DOCK3: variants seen among roughly 807,000 people sequenced by gnomAD.
DOCK3 encodes dedicator of cytokinesis 3.
A neutral mutation model predicts 265.6 loss-of-function variants in DOCK3; 60 were observed. The observed-to-expected ratio is 0.23, with a 90% CI of 0.18 to 0.28. The LOEUF is 0.28. Ranked by LOEUF, DOCK3 falls within the 10% of genes least tolerant of loss-of-function variation. The pLI, the probability that DOCK3 is intolerant of heterozygous loss-of-function variation, is 1.00. For missense variants in DOCK3, 1,981 were observed against 2,594.3 expected, an observed-to-expected ratio of 0.76 and a Z score of 5.14; for synonymous variants, 881 against 938.0, an observed-to-expected ratio of 0.94 and a Z score of 1.11.
intron 1 of DOCK3, among the ~76,000 whole-genome samples, chr3:50,721,415 A>G (rs1229292742): frequency 6.6e-6 from 1 of 152,216 alleles, no homozygotes; most frequent in Non-Finnish European, 1.5e-5. Flanking sequence ...ATGGCTACCC[A>G]GTTATCCCAG....
Position 50,851,572 on chromosome 3 carries a change from A to G in DOCK3, c.162+9857A>G, listed in dbSNP as rs1321983823. 2.6e-5 allele frequency among the ~76,000 whole-genome samples: 4 copies of G among 152,150 alleles called. No individual in the cohort carries two copies. The East Asian group carries it at 5.8e-4, about 22-fold the overall frequency. On this transcript the variant is annotated intron_variant, in intron 3 of 52. Coordinates refer to ENST00000266037, the MANE Select transcript of DOCK3 (RefSeq NM_004947.5). ...GCCTGAATTTCTGCCTGAGAGTGGA[A>G]TGGAGAGGACCCTGCTGCATATTGA...
At chr3:50,725,820 CAG>C (rs1473202850) in intron 1 of DOCK3, among the ~76,000 whole-genome samples, 2 of 152,208 alleles carry the variant, frequency 1.3e-5, no homozygotes, top group African/African-American at 2.4e-5. Context: ...TGTCCCTCCT[CAG>C]AACTTTCTCA....
intron 2 of DOCK3, among the ~76,000 whole-genome samples, chr3:50,819,976 C>G (rs989995986): frequency 6.6e-6 from 1 of 151,896 alleles, no homozygotes; most frequent in African/African-American, 2.4e-5. Context: ...TAAAAAACAA[C>G]AACAACAAAA....
At chr3:51,059,781 G>A (rs1442007153) in intron 5 of DOCK3, among the ~76,000 whole-genome samples, 1 of 151,986 alleles carries the variant, frequency 6.6e-6, no homozygotes, top group African/African-American at 2.4e-5. Flanking sequence ...CTTCCTCTCT[G>A]TGAAGAATAG....
At chr3:51,276,990 G>A (rs1366838353) in intron 25 of DOCK3, among the ~76,000 whole-genome samples, 1 of 152,200 alleles carries the variant, frequency 6.6e-6, no homozygotes, top group Admixed American at 6.5e-5. Flanking sequence ...GATGCACTGA[G>A]GCTGGAGTCC....
chr3:51,159,059 C>A (rs960971272), intron 10 of DOCK3, among the ~76,000 whole-genome samples, 185 bp from the exon 11 acceptor site: 2 of 151,822 alleles, frequency 1.3e-5, no homozygotes, highest in African/African-American at 4.9e-5. Context: ...AATAAACTTC[C>A]AAAGCCATAT....
intron 1 of DOCK3, among the ~76,000 whole-genome samples, chr3:50,701,359 C>T (rs1161475913): frequency 6.6e-6 from 1 of 152,122 alleles, no homozygotes; most frequent in Non-Finnish European, 1.5e-5. Flanking sequence ...CTCAAGTGAT[C>T]TTCCCGCCTT....
At chr3:51,309,179 G>C (rs972578733) in intron 27 of DOCK3, among the ~76,000 whole-genome samples, 1 of 151,814 alleles carries the variant, frequency 6.6e-6, no homozygotes, top group African/African-American at 2.4e-5. Context: ...TCCCAGACGG[G>C]GTGGCGGCCG....
At chr3:51,156,833 C>A (rs560549204) in intron 10 of DOCK3, among the ~76,000 whole-genome samples, 1 of 152,066 alleles carries the variant, frequency 6.6e-6, no homozygotes, top group Non-Finnish European at 1.5e-5. Context: ...AGTGATTATA[C>A]GAGTCATTTG....
intron 1 of DOCK3, among the ~76,000 whole-genome samples, chr3:50,731,893 A>G (rs1417959157): frequency 6.6e-6 from 1 of 152,244 alleles, no homozygotes; most frequent in African/African-American, 2.4e-5. Flanking sequence ...AGAAGTAGCA[A>G]ACATAAATAT....
intron 27 of DOCK3, among the ~76,000 whole-genome samples, chr3:51,303,185 C>T (rs928863486): frequency 9.9e-5 from 15 of 150,944 alleles, no homozygotes; most frequent in Non-Finnish European, 1.5e-5. Context: ...AAATTATTTT[C>T]TCTGCTTGGT....
chr3:51,248,107 G>A (rs2078925534), intron 22 of DOCK3, among the ~76,000 whole-genome samples: 1 of 152,112 alleles, frequency 6.6e-6, no homozygotes, highest in Non-Finnish European at 1.5e-5. Context: ...GATTCAGCAG[G>A]GGCCCAAACA....
At chr3:51,017,289 T>C (rs1332117759) in intron 5 of DOCK3, among the ~76,000 whole-genome samples, 3 of 151,494 alleles carry the variant, frequency 2.0e-5, no homozygotes, top group Non-Finnish European at 4.4e-5. Flanking sequence ...ACTAAAGGCT[T>C]GTCAATTTTG....
intron 1 of DOCK3, among the ~76,000 whole-genome samples, chr3:50,747,504 T>C (rs1178636551): frequency 1.3e-5 from 2 of 152,242 alleles, no homozygotes; most frequent in African/African-American, 2.4e-5. Context: ...ATGTTTCATT[T>C]ATTTTGACAT....
At chr3:50,783,980 G>T (rs1406130391) in intron 2 of DOCK3, among the ~76,000 whole-genome samples, 1 of 151,252 alleles carries the variant, frequency 6.6e-6, no homozygotes, top group South Asian at 2.1e-4. Context: ...TGATTTTCCT[G>T]TCTCGACCTC....
intron 22 of DOCK3, among the ~76,000 whole-genome samples, chr3:51,253,930 G>C (rs1423613821): frequency 1.3e-5 from 2 of 152,114 alleles, no homozygotes; most frequent in South Asian, 2.1e-4. Flanking sequence ...GTTTGCTCTT[G>C]CTTCTCTAGT....
intron 5 of DOCK3, among the ~76,000 whole-genome samples, chr3:51,000,356 C>G (rs1246984148): frequency 6.6e-6 from 1 of 152,178 alleles, no homozygotes; most frequent in Non-Finnish European, 1.5e-5. Flanking sequence ...AAGACACATA[C>G]AATAATTTGT....
chr3:51,243,149 C>T (rs1378062012), intron 21 of DOCK3, among the ~76,000 whole-genome samples: 4 of 152,182 alleles, frequency 2.6e-5, no homozygotes, highest in African/African-American at 9.7e-5. Flanking sequence ...TCCCCTAGGA[C>T]TGAAGTCTCC....
At chr3:51,293,372 G>T (rs1417538477) in intron 27 of DOCK3, among the ~76,000 whole-genome samples, 2 of 152,016 alleles carry the variant, frequency 1.3e-5, no homozygotes, top group Non-Finnish European at 2.9e-5. Flanking sequence ...AACACACAAT[G>T]AAAAAAGGAG....
Sources: gnomAD v4.1 joint callset for allele counts (sites outside exome capture counted in the v4.1 genomes callset) on GRCh38, gnomAD v4.1.1 for gene constraint, MANE v1.5 for transcripts, NCBI Gene and HGNC (gene_info 2026-07-23, HGNC 2026-07-21) for gene names.